GRM7: variants seen among roughly 807,000 people sequenced by gnomAD.
GRM7 encodes metabotropic glutamate receptor 7.
Under a neutral mutation model 84.5 loss-of-function variants are expected in GRM7, and 35 were observed. The ratio of observed to expected loss-of-function variants is 0.41; its 90% CI spans 0.32 to 0.55. The LOEUF (loss-of-function observed/expected upper bound fraction) is 0.55. Ranked by LOEUF, GRM7 falls within the 20% of genes least tolerant of loss-of-function variation. The pLI is 0.19. For missense variants in GRM7, 1,003 were observed against 1,194.6 expected, an observed-to-expected ratio of 0.84 and a Z score of 2.36; for synonymous variants, 487 against 455.1, an observed-to-expected ratio of 1.07 and a Z score of -0.89.
intron 1 of GRM7, among the ~76,000 whole-genome samples, chr3:7,001,901 CAT>C (rs560859113): frequency 1.6e-3 from 246 of 152,304 alleles, no homozygotes; most frequent in South Asian, 2.7e-3. Context: ...CAGCCAATGA[CAT>C]GTGTGTGCAT....
intron 1 of GRM7, among the ~76,000 whole-genome samples, chr3:6,957,732 C>T (rs776846564): frequency 2.0e-5 from 3 of 152,156 alleles, no homozygotes; most frequent in Admixed American, 1.3e-4. Context: ...TTTACCAGCA[C>T]AAGTAACACC....
chr3:7,383,018 T>C (rs1278071928), intron 4 of GRM7, among the ~76,000 whole-genome samples: 1 of 152,216 alleles, frequency 6.6e-6, no homozygotes, highest in Non-Finnish European at 1.5e-5. Context: ...TGTGTTTGTA[T>C]TGATTTTTCT....
At chr3:6,904,048 G>A (rs35839924) in intron 1 of GRM7, among the ~76,000 whole-genome samples, 15,282 of 151,872 alleles carry the variant, frequency 0.1, 883 homozygotes, top group Non-Finnish European at 0.14. Flanking sequence ...TGTATATATC[G>A]TCTACGTGTC....
At chr3:7,280,941 G>A (rs1052189036) in intron 2 of GRM7, among the ~76,000 whole-genome samples, 2 of 152,076 alleles carry the variant, frequency 1.3e-5, no homozygotes, top group African/African-American at 4.8e-5. Flanking sequence ...AGAAATGCAT[G>A]TGTTTCTAGG....
At chr3:7,417,824 G>A (rs1696236443) in intron 5 of GRM7, among the ~76,000 whole-genome samples, 1 of 151,738 alleles carries the variant, frequency 6.6e-6, no homozygotes, top group Admixed American at 6.6e-5. Flanking sequence ...AACAATATTT[G>A]TTATATATTA....
chr3:7,523,838 T>G (rs974981350), intron 7 of GRM7, among the ~76,000 whole-genome samples: 1 of 152,098 alleles, frequency 6.6e-6, no homozygotes, highest in African/African-American at 2.4e-5. Flanking sequence ...AGAAGAAGGA[T>G]TCCAGGAAAT....
intron 8 of GRM7, chr3:7,591,428 A>C (rs578157585): frequency 1.4e-5 from 6 of 436,652 alleles, no homozygotes; most frequent in Non-Finnish European, 2.3e-5. Context: ...TTACAAATGA[A>C]TGTCCAAAGT....
intron 2 of GRM7, among the ~76,000 whole-genome samples, chr3:7,241,601 C>G (rs555521433): frequency 6.6e-6 from 1 of 151,974 alleles, no homozygotes; most frequent in South Asian, 2.1e-4. Context: ...ATGCTAGATA[C>G]TCTCCTAAAT....
At chr3:7,380,028 C>T (rs1276098628) in intron 4 of GRM7, among the ~76,000 whole-genome samples, 1 of 152,122 alleles carries the variant, frequency 6.6e-6, no homozygotes, top group Non-Finnish European at 1.5e-5. Flanking sequence ...GTTGGTTCTA[C>T]TCCATTTCGA....
intron 5 of GRM7, among the ~76,000 whole-genome samples, chr3:7,427,354 C>G (rs889439343): frequency 6.6e-6 from 1 of 152,088 alleles, no homozygotes; most frequent in Non-Finnish European, 1.5e-5. Flanking sequence ...CTCTTATGCT[C>G]TTATGTTATG....
intron 1 of GRM7, among the ~76,000 whole-genome samples, chr3:7,138,101 T>C (rs1693828329): frequency 6.6e-6 from 1 of 152,040 alleles, no homozygotes; most frequent in Non-Finnish European, 1.5e-5. Context: ...AAAGTGATAA[T>C]GACATGCCAG....
At chr3:6,890,405 G>A (rs915239337) in intron 1 of GRM7, among the ~76,000 whole-genome samples, 69 of 152,264 alleles carry the variant, frequency 4.5e-4, no homozygotes, top group African/African-American at 1.6e-3. Context: ...TGCTTTGAAT[G>A]TGTCCCAGAG....
At chr3:7,648,076 G>A (rs974270811) in intron 8 of GRM7, among the ~76,000 whole-genome samples, 1 of 152,068 alleles carries the variant, frequency 6.6e-6, no homozygotes, top group African/African-American at 2.4e-5. Context: ...GGCCCTAGAT[G>A]TAAACCAGGA....
intron 1 of GRM7, among the ~76,000 whole-genome samples, chr3:7,082,154 T>C (rs1480086754): frequency 6.6e-6 from 1 of 152,106 alleles, no homozygotes; most frequent in Admixed American, 6.6e-5. Flanking sequence ...CATCTGGGAC[T>C]TTTGTAGGTA....
rs1323477618 is a variant in GRM7 at position 7,187,112 on chromosome 3, A to C, written c.736+40444A>C. 1.3e-5 allele frequency among the ~76,000 whole-genome samples: 2 copies of C among 152,164 alleles called. 1 individual carries two copies. Among genetic ancestry groups the C allele is most frequent in the African/African-American group, 4.8e-5 (2 of 41,434 alleles). ...CATAGTGAGACCCCATCTCTTAAAA[A>C]AATTAACAATTGATTTGATCTGAGT... On this transcript the variant is annotated intron_variant, in intron 2 of 9. Transcript: ENST00000357716.
chr3:7,426,258 T>TA (rs1449869478), intron 5 of GRM7, among the ~76,000 whole-genome samples: 13 of 152,104 alleles, frequency 8.5e-5, no homozygotes, highest in Non-Finnish European at 1.2e-4. Context: ...TAGCTGGGAT[T>TA]ACAGGCATGC....
intron 2 of GRM7, among the ~76,000 whole-genome samples, chr3:7,219,622 G>A (rs563783215): frequency 1.3e-5 from 2 of 152,298 alleles, no homozygotes; most frequent in East Asian, 3.9e-4. Context: ...TAATATATAT[G>A]CAGGTAGTTA....
intron 9 of GRM7, among the ~76,000 whole-genome samples, chr3:7,704,456 A>G (rs1247275417): frequency 6.6e-6 from 1 of 152,238 alleles, no homozygotes; most frequent in Non-Finnish European, 1.5e-5. Flanking sequence ...TATAATTCAG[A>G]AATGTGTAAC....
At chr3:6,901,628 AAAAAAAAAAT>A (rs1696389510) in intron 1 of GRM7, among the ~76,000 whole-genome samples, 2 of 141,878 alleles carry the variant, frequency 1.4e-5, no homozygotes, top group South Asian at 2.1e-4. Context: ...AAAAAAAAAA[AAAAAAAAAAT>A]ATGTAGAATA....
Sources: gnomAD v4.1 joint callset for allele counts (sites outside exome capture counted in the v4.1 genomes callset) on GRCh38, gnomAD v4.1.1 for gene constraint, MANE v1.5 for transcripts, NCBI Gene and HGNC (gene_info 2026-07-23, HGNC 2026-07-21) for gene names.